The following CCSER2 variants were observed in gnomAD, a reference collection of about 807,000 sequenced individuals.
The protein encoded by CCSER2 is coiled-coil serine rich protein 2.
Under a neutral mutation model 92.3 loss-of-function variants are expected in CCSER2, and 46 were observed. The ratio of observed to expected loss-of-function variants is 0.50; its 90% CI spans 0.39 to 0.64. CCSER2 has a LOEUF of 0.64. Among genes scored for constraint, CCSER2 ranks in the 30% least tolerant of loss-of-function variants. CCSER2 has a pLI of 0.00. For synonymous variants in CCSER2, 433 were observed against 431.4 expected, an observed-to-expected ratio of 1.00 and a Z score of -0.04; for missense variants, 1,244 against 1,238.9, an observed-to-expected ratio of 1.00 and a Z score of -0.06.
intron 5 of CCSER2, among the ~76,000 whole-genome samples, chr10:84,431,191 A>G (rs1421300043): frequency 1.3e-5 from 2 of 152,170 alleles, no homozygotes; most frequent in East Asian, 1.9e-4. Flanking sequence ...TGACAAATGT[A>G]TAATGCCATA....
Position 84,517,639 on chromosome 10 carries a change from G to A in CCSER2, c.*3372G>A, listed in dbSNP as rs888602532. The A allele has an allele frequency of 1.3e-5, 2 of 152,608 alleles. No individual in the cohort carries two copies. Among genetic ancestry groups the A allele is most frequent in the Non-Finnish European group, 2.9e-5 (2 of 68,046 alleles). 9.5% of individuals were successfully genotyped at this position (152,608 alleles called of 1,614,324 possible). A position where few individuals can be genotyped will look rare whatever the true frequency, so the allele number is the denominator to read the frequency against. ...TAATTGTTGCTGTTTGAAGATATCA[G>A]TACAGCTGTTCACAGAAATATATTC... is the stretch of plus-strand genomic sequence containing the variant. On this transcript the variant is annotated 3_prime_UTR_variant, in exon 10 of 10. Coordinates refer to ENST00000372088, the MANE Select transcript of CCSER2 (RefSeq NM_001284240.2).
At chr10:84,358,794 T>C (rs535598582) in intron 1 of CCSER2, among the ~76,000 whole-genome samples, 1 of 152,208 alleles carries the variant, frequency 6.6e-6, no homozygotes, top group Non-Finnish European at 1.5e-5. Flanking sequence ...GGTACAGAAG[T>C]TCATTTATTT....
chr10:84,373,521 CT>C, intron 2 of CCSER2, 97 bp from the exon 3 acceptor site: 2 of 933,952 alleles, frequency 2.1e-6, no homozygotes. Flanking sequence ...TTTGAGCCAG[CT>C]TTTTTGCTAT....
chr10:84,466,264 A>T (rs1447901769), intron 7 of CCSER2, among the ~76,000 whole-genome samples: 1 of 152,196 alleles, frequency 6.6e-6, no homozygotes, highest in Non-Finnish European at 1.5e-5. Flanking sequence ...CAAATACTGC[A>T]TCTCGTGCCA....
intron 3 of CCSER2, among the ~76,000 whole-genome samples, chr10:84,375,863 C>CTTTTTTTTTTTTT (rs532459199): frequency 7.4e-6 from 1 of 135,070 alleles, no homozygotes. Context: ...GTTTCTTTTT[C>CTTTTTTTTTTTTT]TTTTTTTTTT....
chr10:84,428,985 G>A (rs967648605), intron 5 of CCSER2, among the ~76,000 whole-genome samples: 12 of 140,894 alleles, frequency 8.5e-5, no homozygotes, highest in Non-Finnish European at 1.7e-4. Context: ...GTGTGTATGT[G>A]TATATATATA....
intron 4 of CCSER2, among the ~76,000 whole-genome samples, chr10:84,420,695 AGGCCAAGGT>A (rs1235779300): frequency 7.2e-5 from 11 of 152,182 alleles, no homozygotes; most frequent in Non-Finnish European, 1.3e-4. Context: ...GCGCTTTGGG[AGGCCAAGGT>A]GGGCAGAACA....
At chr10:84,411,189 C>G (rs186916496) in intron 3 of CCSER2, among the ~76,000 whole-genome samples, 5 of 152,010 alleles carry the variant, frequency 3.3e-5, no homozygotes, top group African/African-American at 1.2e-4. Context: ...AGTGAGGTAG[C>G]ATGATGCCAC....
chr10:84,347,321 C>T (rs1282616711), intron 1 of CCSER2, among the ~76,000 whole-genome samples: 1 of 152,166 alleles, frequency 6.6e-6, no homozygotes, highest in African/African-American at 2.4e-5. Context: ...GGTGGCCAGG[C>T]ACAGGGGCTC....
chr10:84,488,484 G>A (rs141084634), intron 9 of CCSER2, among the ~76,000 whole-genome samples: 8,884 of 152,132 alleles, frequency 0.058, 371 homozygotes, highest in Admixed American at 0.1. Flanking sequence ...TATATGTGTC[G>A]AGGAATTTAT....
At position 84,517,750 on chromosome 10, in the gene CCSER2, A is replaced by G. The variant is rs1410851618; in HGVS notation, c.*3483A>G. 1 of 152,606 alleles carries G rather than the reference A, an allele frequency of 6.6e-6. No homozygotes were observed. Among genetic ancestry groups the G allele is most frequent in the Admixed American group, 6.5e-5 (1 of 15,282 alleles). 9.5% of individuals were successfully genotyped at this position (152,606 alleles called of 1,614,324 possible). A position where few individuals can be genotyped will look rare whatever the true frequency, so the allele number is the denominator to read the frequency against. ...AAGTATTTTACTTTTTTCTCAGTAC[A>G]TCAGAGAGAGCGTGATCCCCCTACA... On this transcript the variant is annotated 3_prime_UTR_variant, in exon 10 of 10. Transcript: ENST00000372088.
chr10:84,418,799 G>T (rs746031817), intron 4 of CCSER2, among the ~76,000 whole-genome samples: 1 of 152,088 alleles, frequency 6.6e-6, no homozygotes, highest in Non-Finnish European at 1.5e-5. Context: ...CAAAATCTCA[G>T]TTGCTTTCAA....
intron 9 of CCSER2, among the ~76,000 whole-genome samples, chr10:84,482,016 T>C (rs376245347): frequency 7.9e-5 from 12 of 152,184 alleles, no homozygotes; most frequent in African/African-American, 2.9e-4. Context: ...ATGTAGCTAA[T>C]TGACATCATT....
chr10:84,485,443 T>G (rs1847748353), intron 9 of CCSER2, among the ~76,000 whole-genome samples: 1 of 152,216 alleles, frequency 6.6e-6, no homozygotes, highest in Non-Finnish European at 1.5e-5. Context: ...ATTTTGTTAT[T>G]TTCAGATTTT....
chr10:84,346,847 C>T (rs1023982605), intron 1 of CCSER2, among the ~76,000 whole-genome samples: 21 of 151,408 alleles, frequency 1.4e-4, no homozygotes, highest in African/African-American at 5.1e-4. Context: ...TTGGCAGGGT[C>T]ATAGGACAAT....
At chr10:84,363,958 G>A (rs4933323) in intron 1 of CCSER2, among the ~76,000 whole-genome samples, 19,327 of 152,190 alleles carry the variant, frequency 0.13, 1,504 homozygotes, top group Admixed American at 0.23. Context: ...TTGCTTATAG[G>A]CTACAAACCT....
intron 3 of CCSER2, among the ~76,000 whole-genome samples, chr10:84,385,115 T>C (rs570733410): frequency 1.3e-5 from 2 of 151,852 alleles, no homozygotes; most frequent in Non-Finnish European, 2.9e-5. Context: ...TCATAAATGA[T>C]ACAAACAAAT....
intron 9 of CCSER2, among the ~76,000 whole-genome samples, chr10:84,495,433 A>G (rs188836385): frequency 6.0e-4 from 91 of 152,096 alleles, no homozygotes; most frequent in Non-Finnish European, 9.6e-4. Context: ...GCTTTTTGCT[A>G]TTGTTGGATA....
intron 9 of CCSER2, among the ~76,000 whole-genome samples, chr10:84,480,494 A>G (rs1259962622): frequency 6.6e-6 from 1 of 152,204 alleles, no homozygotes; most frequent in East Asian, 1.9e-4. Context: ...CTCAATAGAA[A>G]TAATAAAATT....
Sources: gnomAD v4.1 joint callset for allele counts (sites outside exome capture counted in the v4.1 genomes callset) on GRCh38, gnomAD v4.1.1 for gene constraint, MANE v1.5 for transcripts, NCBI Gene and HGNC (gene_info 2026-07-23, HGNC 2026-07-21) for gene names.